The following TRHDE variants were observed in gnomAD, a reference collection of about 807,000 sequenced individuals.
TRHDE encodes thyrotropin-releasing hormone-degrading ectoenzyme.
A neutral mutation model predicts 125.7 loss-of-function variants in TRHDE; 72 were observed. That is an observed-to-expected ratio of 0.57 (90% CI 0.47 to 0.70). The LOEUF (loss-of-function observed/expected upper bound fraction) is 0.70, where lower values mean the gene tolerates loss of function less well. TRHDE is among the 30% of genes least tolerant of loss of function. The pLI is 0.00. For missense variants in TRHDE, 1,110 were observed against 1,327.1 expected (o/e 0.84, Z 2.54); for synonymous variants, 509 against 509.1 (o/e 1.00, Z 0.00).
rs150495012 is a variant in TRHDE at position 72,614,462 on chromosome 12, C to T, written c.2322-4429C>T. ...CCAATCTGTACCGTAAAAGATTTTC[C>T]CACAAAGAGCATATAAAGTCTTTTA... On this transcript the variant is annotated intron_variant, in intron 12 of 18. Coordinates refer to ENST00000261180, the MANE Select transcript of TRHDE (RefSeq NM_013381.3). 1.6e-3 allele frequency among the ~76,000 whole-genome samples: 248 copies of T among 151,266 alleles called. 3 individuals are homozygous for T. In the East Asian group the frequency reaches 0.037, roughly 22 times the overall value.
At chr12:72,624,387 T>C (rs1274711797) in intron 15 of TRHDE, among the ~76,000 whole-genome samples, 1 of 151,980 alleles carries the variant, frequency 6.6e-6, no homozygotes, top group Non-Finnish European at 1.5e-5. Flanking sequence ...TGTAGTAGTA[T>C]ATTTATGAAA....
intron 2 of TRHDE, among the ~76,000 whole-genome samples, chr12:72,168,327 G>A (rs1197435403): frequency 1.3e-5 from 2 of 152,150 alleles, no homozygotes; most frequent in African/African-American, 4.8e-5. Flanking sequence ...CCAATCAGAA[G>A]CATCTTTTTG....
At chr12:72,341,178 A>C (rs574920347) in intron 2 of TRHDE, among the ~76,000 whole-genome samples, 1 of 151,640 alleles carries the variant, frequency 6.6e-6, no homozygotes, top group East Asian at 2.0e-4. Context: ...TACATGTGCA[A>C]AATGTGCAGA....
intron 12 of TRHDE, among the ~76,000 whole-genome samples, chr12:72,605,915 G>GAA (rs34603825): frequency 2.0e-5 from 3 of 151,824 alleles, no homozygotes; most frequent in South Asian, 2.1e-4. Flanking sequence ...GTTACTAAAT[G>GAA]AAAAAAGCCT....
At chr12:72,383,370 A>ATTTTTTTTTT (rs552559387) in intron 3 of TRHDE, among the ~76,000 whole-genome samples, 2 of 100,946 alleles carry the variant, frequency 2.0e-5, no homozygotes, top group South Asian at 3.2e-4. Context: ...AACCCATTTA[A>ATTTTTTTTTT]TTTTTTTTTT....
At chr12:72,155,251 CT>C (rs1876476152) in intron 2 of TRHDE, among the ~76,000 whole-genome samples, 1 of 152,186 alleles carries the variant, frequency 6.6e-6, no homozygotes, top group South Asian at 2.1e-4. Context: ...CCATCAGGTC[CT>C]TTAAGGACCT....
chr12:72,154,490 C>G (rs751566970), intron 2 of TRHDE, among the ~76,000 whole-genome samples: 1 of 152,148 alleles, frequency 6.6e-6, no homozygotes, highest in Admixed American at 6.6e-5. Context: ...TTCCTAGCCT[C>G]GATGGTCTTT....
At chr12:72,205,117 C>T (rs939580546) in intron 2 of TRHDE, among the ~76,000 whole-genome samples, 3 of 152,166 alleles carry the variant, frequency 2.0e-5, no homozygotes, top group Admixed American at 6.5e-5. Context: ...CCCTCCATAG[C>T]GTATGTTTCA....
At chr12:72,380,738 CCTTCCTTCCTTCCTTCCTTCCTTCCTTG>C (rs1250034164) in intron 3 of TRHDE, among the ~76,000 whole-genome samples, 1,356 of 91,484 alleles carry the variant, frequency 0.015, 24 homozygotes, top group African/African-American at 0.068. Flanking sequence ...TTCCTTGCTT[CCTTCCTTCCTTCCTTCCTTCCTTCCTTG>C]CTTCCTTCCT....
intron 2 of TRHDE, among the ~76,000 whole-genome samples, chr12:72,153,189 T>G (rs2139322736): frequency 6.6e-6 from 1 of 152,282 alleles, no homozygotes; most frequent in East Asian, 1.9e-4. Context: ...TACATAGAGG[T>G]GTTTATAGTA....
intron 1 of TRHDE, among the ~76,000 whole-genome samples, chr12:72,090,541 C>G (rs1228234020): frequency 2.0e-5 from 3 of 152,078 alleles, no homozygotes; most frequent in African/African-American, 7.2e-5. Context: ...TTACTTGGAG[C>G]ATGTTTTTAT....
intron 3 of TRHDE, among the ~76,000 whole-genome samples, chr12:72,402,447 T>C (rs545585126): frequency 6.6e-6 from 1 of 152,314 alleles, no homozygotes; most frequent in South Asian, 2.1e-4. Context: ...ATCTTTGGTG[T>C]TCCTTGGTCT....
intron 3 of TRHDE, among the ~76,000 whole-genome samples, chr12:72,467,776 C>T (rs1229657805): frequency 1.3e-5 from 2 of 152,240 alleles, no homozygotes; most frequent in Non-Finnish European, 2.9e-5. Context: ...GATCGCACCA[C>T]TGCACTCTGG....
chr12:72,273,736 G>A lies in TRHDE; in HGVS notation c.914+179G>A, dbSNP rs911360980. Reference sequence around the variant, plus strand: ...TCCGGGGTCTCCCAGATGCCTCGGGGTCTCGCTGCCGCCAACTTCGCAAAC... The same window carrying A: ...TCCGGGGTCTCCCAGATGCCTCGGGATCTCGCTGCCGCCAACTTCGCAAAC... On this transcript the variant is annotated intron_variant, in intron 1 of 18. Coordinates refer to ENST00000261180, the MANE Select transcript of TRHDE (RefSeq NM_013381.3). This position sits in a 1 kb window ranked among gnomAD's most constrained non-coding sequence, Gnocchi z 5.3. 6.8e-6 allele frequency: 4 copies of A among 584,902 alleles called. No individual in the cohort carries two copies. In the African/African-American group the frequency reaches 7.4e-5, roughly 11 times the overall value. 36.2% of individuals were successfully genotyped at this position (584,902 alleles called of 1,614,324 possible).
At chr12:72,466,501 A>T (rs1440541462) in intron 3 of TRHDE, among the ~76,000 whole-genome samples, 1 of 152,236 alleles carries the variant, frequency 6.6e-6, no homozygotes, top group Non-Finnish European at 1.5e-5. Context: ...CAAAGTTGAC[A>T]CACTGTGGTC....
chr12:72,308,304 A>G (rs1399039607), intron 2 of TRHDE, among the ~76,000 whole-genome samples: 1 of 152,044 alleles, frequency 6.6e-6, no homozygotes, highest in Non-Finnish European at 1.5e-5. Flanking sequence ...TCTTCAGACA[A>G]TTGATATCTG....
chr12:72,211,969 A>G (rs1877791638), intron 2 of TRHDE, among the ~76,000 whole-genome samples: 1 of 152,200 alleles, frequency 6.6e-6, no homozygotes, highest in Admixed American at 6.5e-5. Flanking sequence ...AAACCTGTCT[A>G]CACAACTATG....
intron 15 of TRHDE, among the ~76,000 whole-genome samples, chr12:72,627,146 G>A (rs549837925): frequency 2.6e-5 from 4 of 151,796 alleles, no homozygotes; most frequent in Non-Finnish European, 5.9e-5. Flanking sequence ...GTCATTAAAC[G>A]GTTGTGGCTT....
At chr12:72,455,031 A>G (rs990033157) in intron 3 of TRHDE, among the ~76,000 whole-genome samples, 6 of 152,156 alleles carry the variant, frequency 3.9e-5, no homozygotes, top group African/African-American at 1.4e-4. Flanking sequence ...ATTGAACACA[A>G]TATTTTACAC....
Sources: gnomAD v4.1 joint callset for allele counts (sites outside exome capture counted in the v4.1 genomes callset) on GRCh38, gnomAD v4.1.1 for gene constraint, Gnocchi (gnomAD v3.1) non-coding constraint, MANE v1.5 for transcripts, NCBI Gene and HGNC (gene_info 2026-07-23, HGNC 2026-07-21) for gene names.